Variants in DPP6 observed in about 807,000 individuals in gnomAD.
DPP6 encodes the protein A-type potassium channel modulatory protein DPP6.
Under a neutral mutation model 122.6 loss-of-function variants are expected in DPP6, and 69 were observed. The ratio of observed to expected loss-of-function variants is 0.56; its 90% CI spans 0.46 to 0.69. The LOEUF is 0.69. Ranked by LOEUF, DPP6 falls within the 30% of genes least tolerant of loss-of-function variation. The pLI is 0.00. For synonymous variants in DPP6, 418 were observed against 433.1 expected (o/e 0.97, Z 0.43); for missense variants, 928 against 1,116.9 (o/e 0.83, Z 2.41).
chr7:153,796,963 C>T, the DPP6 span, among the ~76,000 whole-genome samples: 1 of 152,122 alleles, frequency 6.6e-6, no homozygotes, highest in Non-Finnish European at 1.5e-5. Context: ...GCTTGTTTTG[C>T]CTCTTTCTTT....
chr7:154,763,786 T>C (rs1795720603), intron 8 of DPP6, among the ~76,000 whole-genome samples: 1 of 152,216 alleles, frequency 6.6e-6, no homozygotes, highest in Admixed American at 6.5e-5. Context: ...CTAAGCTGGC[T>C]TTGGATTTCT....
rs147976247 is a variant in DPP6, at chr7:154,313,751, A to ACACACACATACACC, written c.244-132462_244-132461insACACACATACACCC. Among the ~76,000 whole-genome samples, 279 of 45,254 alleles carry ACACACACATACACC rather than the reference A, an allele frequency of 6.2e-3. 40 individuals are homozygous for ACACACACATACACC. The highest frequency in any genetic ancestry group is 0.015 in the East Asian group (26 of 1,736). The allele number at this position is 45,254 out of a possible 152,430, so 29.7% of individuals were successfully genotyped here. The stretch of plus-strand genomic sequence containing the variant: ...CACGCACACACACACACACACACAC[A>ACACACACATACACC]CCCTTACATATATATGTAGTACTTC... On this transcript the variant is annotated intron_variant, in intron 1 of 25. Coordinates refer to ENST00000377770, the MANE Select transcript of DPP6 (RefSeq NM_130797.4).
chr7:154,620,988 G>C (rs7802458), intron 5 of DPP6, among the ~76,000 whole-genome samples: 3,929 of 152,238 alleles, frequency 0.026, 171 homozygotes, highest in African/African-American at 0.089. Context: ...AATCTTCTAA[G>C]ACTACAAGAA....
intron 4 of DPP6, among the ~76,000 whole-genome samples, chr7:154,544,405 G>T (rs372357151): frequency 1.3e-5 from 2 of 152,110 alleles, no homozygotes; most frequent in African/African-American, 4.8e-5. Flanking sequence ...CTGCTGCCCA[G>T]TTCTAAGCTC....
In DPP6 at chr7:154,061,238, G is replaced by A. The variant is rs1447362904; in HGVS notation, c.243+8175G>A. ...GAGGTCACAAAGGGGGCGGGGACCCGGAACTTTTGAAATGGGGATCCCAAC... is the reference window on the plus strand; with the variant it reads ...GAGGTCACAAAGGGGGCGGGGACCCAGAACTTTTGAAATGGGGATCCCAAC... On this transcript the variant is annotated intron_variant, in intron 1 of 25. Transcript: ENST00000377770. Among the ~76,000 whole-genome samples, 10 of 149,588 alleles carry A rather than the reference G, an allele frequency of 6.7e-5. No homozygotes were observed. In the South Asian group the frequency reaches 8.5e-4, roughly 13 times the overall value.
At chr7:153,815,435 G>C in the DPP6 span, among the ~76,000 whole-genome samples, 1 of 152,052 alleles carries the variant, frequency 6.6e-6, no homozygotes, top group Non-Finnish European at 1.5e-5. Context: ...AGTTACATAT[G>C]TATACATGTG....
intron 1 of DPP6, among the ~76,000 whole-genome samples, chr7:154,204,485 T>A (rs1799330622): frequency 6.6e-6 from 1 of 152,152 alleles, no homozygotes; most frequent in Non-Finnish European, 1.5e-5. Flanking sequence ...AATTATTCAA[T>A]GACTTAAGGG....
intron 1 of DPP6, among the ~76,000 whole-genome samples, chr7:154,160,109 CAAAAAT>C (rs1355672213): frequency 6.6e-6 from 1 of 151,510 alleles, no homozygotes; most frequent in Admixed American, 6.6e-5. Context: ...GATCCTGTCT[CAAAAAT>C]AAAAATAAAA....
intron 1 of DPP6, among the ~76,000 whole-genome samples, chr7:153,975,117 C>T (rs1281007862): frequency 2.6e-5 from 4 of 151,842 alleles, no homozygotes; most frequent in East Asian, 1.9e-4. Context: ...ACCCATGAGA[C>T]GTAAATCTAG....
chr7:154,190,677 G>C (rs1310664727), intron 1 of DPP6, among the ~76,000 whole-genome samples: 2 of 152,016 alleles, frequency 1.3e-5, no homozygotes, highest in East Asian at 3.9e-4. Context: ...CAGATGGATG[G>C]GTCTTTCTGA....
chr7:154,105,138 CA>C (rs937114587), intron 1 of DPP6, among the ~76,000 whole-genome samples: 1 of 152,100 alleles, frequency 6.6e-6, no homozygotes, highest in Admixed American at 6.6e-5. Flanking sequence ...AAAACAAAAC[CA>C]AAAAAACATA....
intron 1 of DPP6, among the ~76,000 whole-genome samples, chr7:154,407,161 T>A (rs1405325634): frequency 6.6e-6 from 1 of 152,220 alleles, no homozygotes; most frequent in Non-Finnish European, 1.5e-5. Context: ...CTGATATTTA[T>A]AATTGTGCTG....
At chr7:154,411,012 G>A (rs1021204889) in intron 1 of DPP6, among the ~76,000 whole-genome samples, 11 of 152,102 alleles carry the variant, frequency 7.2e-5, no homozygotes, top group Admixed American at 4.6e-4. Flanking sequence ...CCCCAACTCC[G>A]TGAAAAATTT....
intron 5 of DPP6, among the ~76,000 whole-genome samples, chr7:154,616,595 C>T (rs924530160): frequency 6.6e-6 from 1 of 152,100 alleles, no homozygotes; most frequent in Admixed American, 6.5e-5. Flanking sequence ...CGGGCGCGAG[C>T]GAATCCCCAA....
At chr7:153,775,682 C>T in the DPP6 span, among the ~76,000 whole-genome samples, 1 of 151,946 alleles carries the variant, frequency 6.6e-6, no homozygotes, top group Non-Finnish European at 1.5e-5. Flanking sequence ...ATGGCAAAAC[C>T]CGAGAAATCC....
chr7:154,378,708 G>T (rs973053837), intron 1 of DPP6, among the ~76,000 whole-genome samples: 1 of 152,192 alleles, frequency 6.6e-6, no homozygotes, highest in African/African-American at 2.4e-5. Flanking sequence ...CTGTCATAAA[G>T]AACTACCTGA....
At chr7:154,725,936 A>T (rs564353996) in intron 7 of DPP6, among the ~76,000 whole-genome samples, 1 of 152,336 alleles carries the variant, frequency 6.6e-6, no homozygotes, top group South Asian at 2.1e-4. Context: ...TACAGGCCAC[A>T]TGCAAGTCTG....
intron 5 of DPP6, among the ~76,000 whole-genome samples, chr7:154,610,218 T>C (rs1378736536): frequency 6.6e-6 from 1 of 152,152 alleles, no homozygotes; most frequent in African/African-American, 2.4e-5. Context: ...AGTAGCAAAT[T>C]CTGAGTACCA....
At chr7:153,821,881 A>G in the DPP6 span, among the ~76,000 whole-genome samples, 119 of 150,392 alleles carry the variant, frequency 7.9e-4, no homozygotes, top group Middle Eastern at 3.4e-3. Flanking sequence ...GATGAAGTAA[A>G]TCTTCTAATT....
Sources: gnomAD v4.1 joint callset for allele counts (sites outside exome capture counted in the v4.1 genomes callset) on GRCh38, gnomAD v4.1.1 for gene constraint, MANE v1.5 for transcripts, NCBI Gene and HGNC (gene_info 2026-07-23, HGNC 2026-07-21) for gene names.